Variants in ELOVL5 observed in about 807,000 individuals in gnomAD.
ELOVL5 encodes very long chain fatty acid elongase 5.
A neutral mutation model predicts 38.6 loss-of-function variants in ELOVL5; 8 were observed. The observed-to-expected ratio is 0.21, with a 90% CI of 0.12 to 0.37. The LOEUF (loss-of-function observed/expected upper bound fraction) is 0.37. Among genes scored for constraint, ELOVL5 ranks in the 10% least tolerant of loss-of-function variants. The pLI is 1.00. For synonymous variants in ELOVL5, 127 were observed against 133.7 expected, an observed-to-expected ratio of 0.95 and a Z score of 0.34; for missense variants, 280 against 367.8, an observed-to-expected ratio of 0.76 and a Z score of 1.95.
At chr6:53,320,101 G>A (rs1768235319) in intron 1 of ELOVL5, among the ~76,000 whole-genome samples, 1 of 152,070 alleles carries the variant, frequency 6.6e-6, no homozygotes, top group South Asian at 2.1e-4. Context: ...AATCCCTTGA[G>A]CCCAGAAGTT....
intron 1 of ELOVL5, among the ~76,000 whole-genome samples, chr6:53,328,023 G>A (rs1768627349): frequency 6.6e-6 from 1 of 151,934 alleles, no homozygotes; most frequent in Non-Finnish European, 1.5e-5. Flanking sequence ...CTCTAGTTCC[G>A]TTTCCAGCAA....
rs74561434 is a variant in ELOVL5 at position 53,325,795 on chromosome 6, C to T, written c.-9+23022G>A. Among the ~76,000 whole-genome samples, 76 of 152,216 alleles carry T rather than the reference C, an allele frequency of 5.0e-4. 1 individual carries two copies. Among genetic ancestry groups the T allele is most frequent in the African/African-American group, 1.7e-3 (69 of 41,540 alleles). ...GGAAGAATTGTGACACTTGGTAGGC[C>T]GGAAAAGTGTCTCAAATTTTACCTC... On this transcript the variant is annotated intron_variant, in intron 1 of 7. Transcript: ENST00000304434.
chr6:53,307,191 C>T (rs1440505599), intron 1 of ELOVL5, among the ~76,000 whole-genome samples: 1 of 152,202 alleles, frequency 6.6e-6, no homozygotes, highest in Non-Finnish European at 1.5e-5. Flanking sequence ...ACAGACATGA[C>T]CTCTGCCACA....
rs569120650 is a variant in ELOVL5, at chr6:53,340,940, C to T, written c.-9+7877G>A. On this transcript the variant is annotated intron_variant, in intron 1 of 7. Transcript: ENST00000304434. Reference sequence around the variant, plus strand: ...TCCCTCCCGTCTGCATTTCTCTGAGCGTATATACCTTGTAAATCAAACCAG... The same window carrying T: ...TCCCTCCCGTCTGCATTTCTCTGAGTGTATATACCTTGTAAATCAAACCAG... Among the ~76,000 whole-genome samples the T allele has an allele frequency of 9.9e-5, 15 of 152,246 alleles. No homozygotes were observed. The South Asian group carries it at 1.2e-3, about 13-fold the overall frequency.
In ELOVL5 at chr6:53,348,841, G is replaced by A. The variant is rs1439608823; in HGVS notation, c.-33C>T. On this transcript the variant is annotated 5_prime_UTR_variant, in exon 1 of 8. Coordinates refer to ENST00000304434, the MANE Select transcript of ELOVL5 (RefSeq NM_021814.5). ...CCTTTTAGCCCAAGGGGCGGCAGCA[G>A]CTTTGAGCAGCAGCAAGGCGGCGGC... is the stretch of plus-strand genomic sequence containing the variant. 4.4e-6 allele frequency: 2 copies of A among 458,508 alleles called. No homozygotes were observed. Among genetic ancestry groups the A allele is most frequent in the East Asian group, 6.9e-5 (1 of 14,396 alleles). 28.4% of individuals were successfully genotyped at this position (458,508 alleles called of 1,614,324 possible).
intron 1 of ELOVL5, among the ~76,000 whole-genome samples, chr6:53,297,601 C>T (rs1356424080): frequency 6.6e-6 from 1 of 152,116 alleles, no homozygotes; most frequent in Non-Finnish European, 1.5e-5. Context: ...TTTTACTTTA[C>T]TTAATTGTTC....
At chr6:53,292,508 G>A (rs971056806) in intron 2 of ELOVL5, among the ~76,000 whole-genome samples, 2 of 152,236 alleles carry the variant, frequency 1.3e-5, no homozygotes, top group Non-Finnish European at 2.9e-5. Flanking sequence ...AACAAAACAA[G>A]GGCTGGGTGT....
intron 1 of ELOVL5, among the ~76,000 whole-genome samples, chr6:53,304,732 C>A (rs1442694619): frequency 6.6e-6 from 1 of 152,206 alleles, no homozygotes; most frequent in Non-Finnish European, 1.5e-5. Context: ...TCAGAGAGCA[C>A]AGGGTTGGGG....
chr6:53,319,794 G>A (rs773947803), intron 1 of ELOVL5, among the ~76,000 whole-genome samples: 2 of 152,078 alleles, frequency 1.3e-5, no homozygotes, highest in Non-Finnish European at 2.9e-5. Flanking sequence ...GCCCTCTCTT[G>A]AACTTATATT....
chr6:53,348,304 C>G (rs562270842), intron 1 of ELOVL5, among the ~76,000 whole-genome samples: 407 of 152,230 alleles, frequency 2.7e-3, no homozygotes, highest in African/African-American at 8.4e-3. Context: ...GTCCCCCCAG[C>G]GGCGCCCGGT....
chr6:53,340,551 G>A (rs1340614034), intron 1 of ELOVL5, among the ~76,000 whole-genome samples: 1 of 152,104 alleles, frequency 6.6e-6, no homozygotes, highest in Non-Finnish European at 1.5e-5. Flanking sequence ...GCCCTACATA[G>A]TTGTATCATT....
chr6:53,314,851 T>A (rs755944113), intron 1 of ELOVL5, among the ~76,000 whole-genome samples: 1 of 152,264 alleles, frequency 6.6e-6, no homozygotes, highest in Non-Finnish European at 1.5e-5. Flanking sequence ...CTACTTTGAT[T>A]TGGAAAAGCT....
chr6:53,329,753 G>A (rs1198330081), intron 1 of ELOVL5, among the ~76,000 whole-genome samples: 3 of 152,162 alleles, frequency 2.0e-5, no homozygotes, highest in Non-Finnish European at 2.9e-5. Context: ...GAACTCAGAA[G>A]GCAGAGGTTG....
intron 1 of ELOVL5, among the ~76,000 whole-genome samples, chr6:53,310,199 G>C (rs1276535607): frequency 6.6e-6 from 1 of 152,156 alleles, no homozygotes; most frequent in Non-Finnish European, 1.5e-5. Flanking sequence ...GAAGTGAAAA[G>C]GCTTATTATC....
chr6:53,269,075 T>C lies in ELOVL5; in HGVS notation c.*52A>G. 1 of 1,596,478 alleles carries C rather than the reference T, an allele frequency of 6.3e-7. No individual in the cohort carries two copies. Among genetic ancestry groups the C allele is most frequent in the South Asian group, 1.1e-5 (1 of 88,950 alleles). On this transcript the variant is annotated 3_prime_UTR_variant, in exon 8 of 8. Transcript: ENST00000304434. ...TTAACGAGCATTGGGGCACAACTCATATTGTGCTTACAATCAGATGACGTG... is the reference window on the plus strand; with the variant it reads ...TTAACGAGCATTGGGGCACAACTCACATTGTGCTTACAATCAGATGACGTG...
At chr6:53,273,425 G>T in intron 5 of ELOVL5, 81 bp from the exon 6 acceptor site, 1 of 1,267,524 alleles carries the variant, frequency 7.9e-7, no homozygotes, top group Non-Finnish European at 1.1e-6. Flanking sequence ...AAAAATACAA[G>T]ATTCTTTTTG....
chr6:53,325,002 T>C (rs1000213513), intron 1 of ELOVL5, among the ~76,000 whole-genome samples: 1 of 152,200 alleles, frequency 6.6e-6, no homozygotes, highest in African/African-American at 2.4e-5. Flanking sequence ...ACTTTTTTTC[T>C]GGACACTGAT....
Position 53,273,203 on chromosome 6 carries a change from G to C in ELOVL5, c.621+17C>G. On this transcript the variant is annotated intron_variant, in intron 6 of 7. Transcript: ENST00000304434. ...CACCAGGAAGTAAGTCCTGGGGAAAGAGGCCAAGTCACTCACCAGCTGCCC... is the reference window on the plus strand; with the variant it reads ...CACCAGGAAGTAAGTCCTGGGGAAACAGGCCAAGTCACTCACCAGCTGCCC... 6.2e-7 allele frequency: 1 copy of C among 1,613,252 alleles called. No homozygotes were observed. Among genetic ancestry groups the C allele is most frequent in the Non-Finnish European group, 8.5e-7 (1 of 1,179,478 alleles).
intron 1 of ELOVL5, among the ~76,000 whole-genome samples, chr6:53,300,560 G>A (rs914148167): frequency 1.3e-5 from 2 of 152,214 alleles, no homozygotes; most frequent in Non-Finnish European, 2.9e-5. Flanking sequence ...GGTGGCAACA[G>A]AGCAGAGCCT....
Sources: allele counts gnomAD v4.1 joint callset (sites outside exome capture counted in the v4.1 genomes callset), GRCh38; gene constraint gnomAD v4.1.1; transcripts MANE v1.5; gene names NCBI Gene and HGNC (gene_info 2026-07-23, HGNC 2026-07-21).